Variants in TSPAN5 observed in about 807,000 individuals in gnomAD.
The protein encoded by TSPAN5 is tetraspanin 5.
TSPAN5 carries 10 observed loss-of-function variants against 37.1 expected under a neutral mutation model. The observed-to-expected ratio is 0.27, with a 90% CI of 0.17 to 0.46. The LOEUF is 0.46. Among genes scored for constraint, TSPAN5 ranks in the 20% least tolerant of loss-of-function variants. TSPAN5 has a pLI of 1.00. For missense variants in TSPAN5, 195 were observed against 326.6 expected (o/e 0.60, Z 3.11); for synonymous variants, 110 against 118.9 (o/e 0.93, Z 0.48).
intron 1 of TSPAN5, among the ~76,000 whole-genome samples, chr4:98,511,274 C>T (rs1753598456): frequency 6.6e-6 from 1 of 152,128 alleles, no homozygotes; most frequent in South Asian, 2.1e-4. Context: ...TAAACTACAG[C>T]CACGTGTTGC....
At chr4:98,612,687 G>A (rs1452825513) in intron 1 of TSPAN5, among the ~76,000 whole-genome samples, 4 of 151,942 alleles carry the variant, frequency 2.6e-5, no homozygotes, top group South Asian at 2.1e-4. Flanking sequence ...ATCCTCTCCC[G>A]CTCCCCGCGG....
chr4:98,558,994 A>G (rs1578992161), intron 1 of TSPAN5, among the ~76,000 whole-genome samples: 2 of 152,354 alleles, frequency 1.3e-5, no homozygotes, highest in South Asian at 4.1e-4. Context: ...GCCAGAAGAA[A>G]TAACTCCCTT....
chr4:98,527,534 A>T (rs1753986686), intron 1 of TSPAN5, among the ~76,000 whole-genome samples: 1 of 152,268 alleles, frequency 6.6e-6, no homozygotes, highest in Admixed American at 6.5e-5. Flanking sequence ...GAAGCTAATG[A>T]CTTATCATTT....
In TSPAN5 at chr4:98,478,766, A is replaced by T. The variant is rs1391781348; in HGVS notation, c.495T>A (p.Asn165Lys). The T allele has an allele frequency of 6.2e-7, 1 of 1,614,080 alleles. No homozygotes were observed. The highest frequency in any genetic ancestry group is 8.5e-7 in the Non-Finnish European group (1 of 1,180,020). Reference sequence around the variant, plus strand: ...TGGAATCTGTGCAATTGAAGTAAATATTTAGGTTCCAATCATCAGCTCCAA... The same window carrying T: ...TGGAATCTGTGCAATTGAAGTAAATTTTTAGGTTCCAATCATCAGCTCCAA... ...GAFGADDWNL[N>K]IYFNCTDSNA... Residue 165 changes from asparagine (N) to lysine (K), a missense_variant, in exon 5 of 8, where the codon AAT becomes AAA. By Grantham distance (94) the Asn-to-Lys change is moderately conservative (BLOSUM62 0). Transcript: ENST00000305798.
At chr4:98,549,151 T>C (rs1754543119) in intron 1 of TSPAN5, among the ~76,000 whole-genome samples, 1 of 152,218 alleles carries the variant, frequency 6.6e-6, no homozygotes, top group Non-Finnish European at 1.5e-5. Context: ...TGTACTAACG[T>C]ATATTCCCAC....
intron 1 of TSPAN5, among the ~76,000 whole-genome samples, chr4:98,526,594 C>T (rs551851377): frequency 6.6e-6 from 1 of 151,746 alleles, no homozygotes; most frequent in African/African-American, 2.4e-5. Flanking sequence ...CAATAATGAA[C>T]CTAAATGCCA....
intron 3 of TSPAN5, chr4:98,485,061 C>T (rs575098508): frequency 3.7e-4 from 57 of 152,964 alleles, no homozygotes; most frequent in Non-Finnish European, 6.2e-4. Flanking sequence ...TGCAGTGAGC[C>T]GAGATCACAC....
intron 2 of TSPAN5, among the ~76,000 whole-genome samples, chr4:98,488,736 A>G (rs1374166406): frequency 1.3e-5 from 2 of 152,172 alleles, no homozygotes; most frequent in East Asian, 3.9e-4. Flanking sequence ...CTGAGAAAAA[A>G]CTTGCCAGAG....
rs777652427 is a variant in TSPAN5, at chr4:98,658,255, G to C, written c.-29C>G. On this transcript the variant is annotated 5_prime_UTR_variant, in exon 1 of 8. Coordinates refer to ENST00000305798, the MANE Select transcript of TSPAN5 (RefSeq NM_005723.4). ...CTGGGTTCATGAAGACACTTGCCCC[G>C]GCAGCCCGAGTTTGGAGCTCCGAAG... is the stretch of plus-strand genomic sequence containing the variant. 7.9e-5 allele frequency: 126 copies of C among 1,594,982 alleles called. No homozygotes were observed. Among genetic ancestry groups the C allele is most frequent in the Non-Finnish European group, 1.0e-4 (121 of 1,162,826 alleles).
At chr4:98,620,807 T>A (rs1258350273) in intron 1 of TSPAN5, among the ~76,000 whole-genome samples, 1 of 152,120 alleles carries the variant, frequency 6.6e-6, no homozygotes, top group Non-Finnish European at 1.5e-5. Context: ...TCAGACCACA[T>A]TGGGTGCTTT....
chr4:98,528,215 T>A (rs1229323751), intron 1 of TSPAN5, among the ~76,000 whole-genome samples: 1 of 152,204 alleles, frequency 6.6e-6, no homozygotes, highest in African/African-American at 2.4e-5. Flanking sequence ...GGTTATGGAC[T>A]AATATATGAA....
intron 1 of TSPAN5, among the ~76,000 whole-genome samples, chr4:98,554,922 T>C (rs1236370874): frequency 2.6e-5 from 4 of 152,026 alleles, no homozygotes; most frequent in African/African-American, 9.7e-5. Flanking sequence ...AAGGTGGGGG[T>C]TGGGGAGAGG....
intron 1 of TSPAN5, among the ~76,000 whole-genome samples, chr4:98,592,447 T>A (rs1645835303): frequency 8.6e-6 from 1 of 116,914 alleles, no homozygotes; most frequent in Admixed American, 8.1e-5. Flanking sequence ...TTTTTTTTTT[T>A]TATTATACTC....
chr4:98,535,571 G>A (rs182178435), intron 1 of TSPAN5, among the ~76,000 whole-genome samples: 3 of 152,252 alleles, frequency 2.0e-5, no homozygotes, highest in African/African-American at 7.2e-5. Flanking sequence ...GAATTTGAAT[G>A]TTGGTCTGTC....
chr4:98,472,421 A>T lies in TSPAN5; in HGVS notation c.*101T>A, dbSNP rs1369252989. Reference sequence around the variant, plus strand: ...TCCATTAGGCGAGACTGCAGGCTGCATCTGTGATTAGGTCCATGCAGCTCG... The same window carrying T: ...TCCATTAGGCGAGACTGCAGGCTGCTTCTGTGATTAGGTCCATGCAGCTCG... On this transcript the variant is annotated 3_prime_UTR_variant, in exon 8 of 8. Coordinates refer to ENST00000305798, the MANE Select transcript of TSPAN5 (RefSeq NM_005723.4). The T allele has an allele frequency of 1.0e-6, 1 of 986,980 alleles. No individual in the cohort carries two copies. Among genetic ancestry groups the T allele is most frequent in the African/African-American group, 1.7e-5 (1 of 60,590 alleles). 61.1% of individuals were successfully genotyped at this position (986,980 alleles called of 1,614,324 possible).
chr4:98,567,959 G>A (rs1055105750), intron 1 of TSPAN5, among the ~76,000 whole-genome samples: 1 of 152,012 alleles, frequency 6.6e-6, no homozygotes, highest in Non-Finnish European at 1.5e-5. Context: ...TTCTTCATCT[G>A]TAAAATGGGG....
intron 1 of TSPAN5, among the ~76,000 whole-genome samples, chr4:98,530,667 G>C (rs1011106879): frequency 1.3e-5 from 2 of 152,052 alleles, no homozygotes; most frequent in Admixed American, 1.3e-4. Context: ...TTTTTCATTT[G>C]CAGAGTAAAC....
intron 1 of TSPAN5, among the ~76,000 whole-genome samples, chr4:98,650,699 G>A (rs991925138): frequency 6.6e-6 from 1 of 152,184 alleles, no homozygotes; most frequent in Non-Finnish European, 1.5e-5. Flanking sequence ...AGCACACCAA[G>A]CAACCAGATC....
chr4:98,645,728 T>C (rs75067258), intron 1 of TSPAN5, among the ~76,000 whole-genome samples: 4,934 of 152,262 alleles, frequency 0.032, 251 homozygotes, highest in East Asian at 0.23. Context: ...ACATGGTTCG[T>C]GTTTACGCAA....
Sources: gnomAD v4.1 joint callset for allele counts (sites outside exome capture counted in the v4.1 genomes callset) on GRCh38, gnomAD v4.1.1 for gene constraint, MANE v1.5 for transcripts, NCBI Gene and HGNC (gene_info 2026-07-23, HGNC 2026-07-21) for gene names.